The following LRRC17 variants were observed in gnomAD, a reference collection of about 807,000 sequenced individuals.
LRRC17 encodes the protein leucine-rich repeat-containing protein 17.
In LRRC17, 33 loss-of-function variants were observed where a neutral mutation model predicts 41.5. The observed-to-expected ratio is 0.80, with a 90% CI of 0.60 to 1.06. The LOEUF is 1.06. LRRC17 is among the 50% of genes least tolerant of loss of function. LRRC17 has a pLI of 0.00. For missense variants in LRRC17, 491 were observed against 519.3 expected (o/e 0.95, Z 0.53); for synonymous variants, 192 against 197.0 (o/e 0.97, Z 0.21).
intron 1 of LRRC17, among the ~76,000 whole-genome samples, chr7:102,928,919 A>G (rs1818628670): frequency 6.6e-6 from 1 of 152,154 alleles, no homozygotes; most frequent in African/African-American, 2.4e-5. Context: ...CTCTGATGTG[A>G]TATTTGACAT....
At chr7:102,941,942 C>T (rs1016551150) in intron 3 of LRRC17, among the ~76,000 whole-genome samples, 1 of 152,120 alleles carries the variant, frequency 6.6e-6, no homozygotes, top group African/African-American at 2.4e-5. Context: ...ATGTTTTTCA[C>T]ATGTTTCCCG....
chr7:102,930,981 CTT>C (rs1161708515), intron 1 of LRRC17, among the ~76,000 whole-genome samples: 1 of 152,178 alleles, frequency 6.6e-6, no homozygotes, highest in Non-Finnish European at 1.5e-5. Context: ...CTTTGGGTCT[CTT>C]AGGCTAGTGA....
chr7:102,931,849 A>G (rs763006370), intron 1 of LRRC17: 2 of 1,604,280 alleles, frequency 1.2e-6, no homozygotes, highest in Non-Finnish European at 8.5e-7. Flanking sequence ...CAATCTATAT[A>G]AACAGCAGTA....
At chr7:102,926,800 T>C (rs556393581) in intron 1 of LRRC17, among the ~76,000 whole-genome samples, 7 of 152,378 alleles carry the variant, frequency 4.6e-5, no homozygotes, top group South Asian at 4.1e-4. Context: ...AATGGAACTT[T>C]AGTAACAGTC....
At chr7:102,926,237 AT>A (rs746036855) in intron 1 of LRRC17, 5 of 1,581,262 alleles carry the variant, frequency 3.2e-6, no homozygotes, top group African/African-American at 1.3e-5. Context: ...TGGGAGCATA[AT>A]TTTTTTCAGT....
intron 1 of LRRC17, among the ~76,000 whole-genome samples, chr7:102,927,677 G>A (rs1818383680): frequency 6.6e-6 from 1 of 152,184 alleles, no homozygotes; most frequent in Admixed American, 6.5e-5. Flanking sequence ...CACCCATGCT[G>A]CATGAGAGGC....
intron 1 of LRRC17, among the ~76,000 whole-genome samples, chr7:102,916,124 C>A (rs1445020341): frequency 6.6e-6 from 1 of 152,126 alleles, no homozygotes; most frequent in Non-Finnish European, 1.5e-5. Flanking sequence ...GCTGGGATTA[C>A]AGGCACCCAC....
At chr7:102,929,663 CAAAAAAAAAAAA>C (rs35025022) in intron 1 of LRRC17, among the ~76,000 whole-genome samples, 2 of 91,518 alleles carry the variant, frequency 2.2e-5, no homozygotes, top group African/African-American at 9.5e-5. Context: ...GACTCCATCT[CAAAAAAAAAAAA>C]AAAAAAAAAT....
At chr7:102,940,297 C>T (rs1821163108) in intron 3 of LRRC17, among the ~76,000 whole-genome samples, 2 of 151,620 alleles carry the variant, frequency 1.3e-5, no homozygotes. Flanking sequence ...GCAAGCTCCG[C>T]CTCCCAGGTT....
chr7:102,921,728 C>T (rs1817076831), intron 1 of LRRC17, among the ~76,000 whole-genome samples: 1 of 151,994 alleles, frequency 6.6e-6, no homozygotes. Context: ...TAAGCATCCA[C>T]GGATGATTTT....
chr7:102,928,372 A>G (rs1818525219), intron 1 of LRRC17, among the ~76,000 whole-genome samples: 1 of 152,218 alleles, frequency 6.6e-6, no homozygotes, highest in South Asian at 2.1e-4. Context: ...AATGTACTCA[A>G]ATCTTTCTGA....
Position 102,944,926 on chromosome 7 carries a change from G to C in LRRC17, c.*319G>C, listed in dbSNP as rs1447975388. Reference sequence around the variant, plus strand: ...GTTTTTACTGCTTTTAGAAAATAAAGAAAAAAAACTTGGTTCATGTTTACA... The same window carrying C: ...GTTTTTACTGCTTTTAGAAAATAAACAAAAAAAACTTGGTTCATGTTTACA... On this transcript the variant is annotated 3_prime_UTR_variant, in exon 4 of 4. Coordinates refer to ENST00000339431, the MANE Select transcript of LRRC17 (RefSeq NM_001031692.3). The C allele has an allele frequency of 4.8e-6, 1 of 206,198 alleles. No individual in the cohort carries two copies. Among genetic ancestry groups the C allele is most frequent in the African/African-American group, 2.3e-5 (1 of 43,472 alleles). The allele number at this position is 206,198 out of a possible 1,614,324, so 12.8% of individuals were successfully genotyped here.
intron 1 of LRRC17, among the ~76,000 whole-genome samples, chr7:102,914,800 C>A (rs915864385): frequency 1.3e-5 from 2 of 152,204 alleles, no homozygotes; most frequent in Admixed American, 1.3e-4. Flanking sequence ...GACACGCCCC[C>A]TCTCTTGGGG....
intron 2 of LRRC17, among the ~76,000 whole-genome samples, chr7:102,937,640 C>G (rs1308923943): frequency 2.6e-5 from 4 of 151,784 alleles, no homozygotes; most frequent in African/African-American, 9.7e-5. Context: ...ATTGCTGATT[C>G]CCATAAATTC....
intron 3 of LRRC17, among the ~76,000 whole-genome samples, chr7:102,941,423 C>T (rs1022352474): frequency 2.6e-5 from 4 of 152,124 alleles, no homozygotes; most frequent in Non-Finnish European, 5.9e-5. Flanking sequence ...TCCCAAGCCC[C>T]TACCTAGCAA....
At chr7:102,913,567 T>C (rs1815200684) in intron 1 of LRRC17, among the ~76,000 whole-genome samples, 1 of 152,218 alleles carries the variant, frequency 6.6e-6, no homozygotes, top group East Asian at 1.9e-4. Context: ...TTGCAGAGTG[T>C]ATTGTTGCTT....
In LRRC17 at chr7:102,944,874, T is replaced by C. The variant is rs1158257807; in HGVS notation, c.*267T>C. 8.8e-6 allele frequency: 3 copies of C among 341,656 alleles called. No individual in the cohort carries two copies. The highest frequency in any genetic ancestry group is 9.8e-5 in the East Asian group (2 of 20,316). 21.2% of individuals were successfully genotyped at this position (341,656 alleles called of 1,614,324 possible). A position where few individuals can be genotyped will look rare whatever the true frequency, so the allele number is the denominator to read the frequency against. On this transcript the variant is annotated 3_prime_UTR_variant, in exon 4 of 4. Transcript: ENST00000339431. ...AGCAGTTGGGTCCTAATGATGGCAT[T>C]AGACTTTCATAATGTCCTGTATAAA... is the stretch of plus-strand genomic sequence containing the variant.
chr7:102,918,559 T>C (rs1250601091), intron 1 of LRRC17, among the ~76,000 whole-genome samples: 1 of 152,208 alleles, frequency 6.6e-6, no homozygotes, highest in African/African-American at 2.4e-5. Context: ...ATCATGCCTA[T>C]AACCCCAGCA....
At chr7:102,919,124 T>G (rs993154457) in intron 1 of LRRC17, among the ~76,000 whole-genome samples, 1 of 152,176 alleles carries the variant, frequency 6.6e-6, no homozygotes, top group South Asian at 2.1e-4. Flanking sequence ...TTCAATGACA[T>G]TGTGTTGATA....
Sources: gnomAD v4.1 joint callset for allele counts (sites outside exome capture counted in the v4.1 genomes callset) on GRCh38, gnomAD v4.1.1 for gene constraint, MANE v1.5 for transcripts, NCBI Gene and HGNC (gene_info 2026-07-23, HGNC 2026-07-21) for gene names.